The following PLSCR2 variants were observed in gnomAD, a reference collection of about 807,000 sequenced individuals.
The protein encoded by PLSCR2 is PL scramblase 2.
A neutral mutation model predicts 25.3 loss-of-function variants in PLSCR2; 18 were observed. That is an observed-to-expected ratio of 0.71 (90% confidence interval 0.49 to 1.06). The LOEUF (loss-of-function observed/expected upper bound fraction) is 1.06. Ranked by LOEUF, PLSCR2 falls within the 50% of genes least tolerant of loss-of-function variation. The probability of loss-of-function intolerance (pLI) is 0.00; values close to 1 mark genes in which losing one functional copy is unlikely to be tolerated. For missense variants in PLSCR2, 243 were observed against 269.5 expected, an observed-to-expected ratio of 0.90 and a Z score of 0.69; for synonymous variants, 88 against 87.3, an observed-to-expected ratio of 1.01 and a Z score of -0.04.
chr3:146,431,962 TC>T (rs2039563221), downstream of PLSCR2, among the ~76,000 whole-genome samples: 1 of 152,210 alleles, frequency 6.6e-6, no homozygotes, highest in South Asian at 2.1e-4. Context: ...TACTTGATTT[TC>T]TTTTATCCCA....
chr3:146,444,400 T>A (rs989991232), intron 6 of PLSCR2, among the ~76,000 whole-genome samples: 3 of 151,866 alleles, frequency 2.0e-5, no homozygotes, highest in Non-Finnish European at 4.4e-5. Flanking sequence ...GGTCTATTTC[T>A]CCCTTTACCT....
intron 2 of PLSCR2, among the ~76,000 whole-genome samples, chr3:146,406,667 A>G (rs1447004192): frequency 6.6e-6 from 1 of 152,178 alleles, no homozygotes; most frequent in Non-Finnish European, 1.5e-5. Flanking sequence ...CTGGGGACCT[A>G]TGTTTTTAGT....
At chr3:146,488,582 A>G (rs895949482) in intron 1 of PLSCR2, among the ~76,000 whole-genome samples, 3 of 152,220 alleles carry the variant, frequency 2.0e-5, no homozygotes, top group Non-Finnish European at 4.4e-5. Flanking sequence ...AAAGCTCAAC[A>G]TCACTGATCA....
At chr3:146,492,635 A>G (rs1424356349) in intron 1 of PLSCR2, among the ~76,000 whole-genome samples, 1 of 152,138 alleles carries the variant, frequency 6.6e-6, no homozygotes, top group African/African-American at 2.4e-5. Flanking sequence ...TCTCTGGGAC[A>G]CAGCTAAAGA....
downstream of PLSCR2, among the ~76,000 whole-genome samples, chr3:146,438,912 C>T (rs2108211809): frequency 6.6e-6 from 1 of 152,254 alleles, no homozygotes; most frequent in East Asian, 1.9e-4. Context: ...GTGGCTGGTA[C>T]CGGTTGTTCC....
chr3:146,403,145 C>CACAA (rs769879841), intron 2 of PLSCR2, among the ~76,000 whole-genome samples: 102 of 150,814 alleles, frequency 6.8e-4, no homozygotes, highest in African/African-American at 2.4e-3. Flanking sequence ...ATATTGTAAA[C>CACAA]ACACACACAC....
At chr3:146,396,005 T>C in intron 2 of PLSCR2, 1 of 243,214 alleles carries the variant, frequency 4.1e-6, no homozygotes, top group Non-Finnish European at 8.3e-6. Context: ...AATTATGACC[T>C]TGATGAGTTA....
At chr3:146,446,015 C>T (rs960075624) in intron 6 of PLSCR2, among the ~76,000 whole-genome samples, 3 of 152,108 alleles carry the variant, frequency 2.0e-5, no homozygotes, top group Non-Finnish European at 4.4e-5. Flanking sequence ...TTCAATCTAT[C>T]TGTTAAAGTT....
At chr3:146,402,980 TA>T (rs1203275889) in intron 2 of PLSCR2, among the ~76,000 whole-genome samples, 2 of 152,192 alleles carry the variant, frequency 1.3e-5, no homozygotes, top group Non-Finnish European at 2.9e-5. Flanking sequence ...AATTTTTAAG[TA>T]GAAATTATGT....
chr3:146,466,393 A>G (rs1475567130), intron 1 of PLSCR2, among the ~76,000 whole-genome samples: 2 of 152,066 alleles, frequency 1.3e-5, no homozygotes, highest in African/African-American at 4.8e-5. Flanking sequence ...CTGGTGTCAA[A>G]CTCCTAGTCT....
chr3:146,447,152 A>G (rs896265919), intron 6 of PLSCR2, among the ~76,000 whole-genome samples: 9 of 152,268 alleles, frequency 5.9e-5, no homozygotes, highest in African/African-American at 1.9e-4. Flanking sequence ...GGCCTGGAAC[A>G]TGGACTCTAG....
chr3:146,471,629 C>T (rs942519183), intron 1 of PLSCR2, among the ~76,000 whole-genome samples: 46 of 150,486 alleles, frequency 3.1e-4, no homozygotes, highest in African/African-American at 1.1e-3. Context: ...TGCAGTGGCA[C>T]GATCTCAGCT....
At chr3:146,395,253 A>T (rs1366809498) in intron 3 of PLSCR2, among the ~76,000 whole-genome samples, 1 of 152,248 alleles carries the variant, frequency 6.6e-6, no homozygotes, top group Non-Finnish European at 1.5e-5. Context: ...GCAAATATTT[A>T]ATTTGTGAAT....
intron 3 of PLSCR2, among the ~76,000 whole-genome samples, chr3:146,393,648 A>G (rs2038171897): frequency 6.6e-6 from 1 of 151,686 alleles, no homozygotes; most frequent in South Asian, 2.1e-4. Flanking sequence ...TTCTCTACTA[A>G]AACTACAAAA....
At chr3:146,407,440 T>C (rs1248445898) in intron 2 of PLSCR2, among the ~76,000 whole-genome samples, 1 of 152,244 alleles carries the variant, frequency 6.6e-6, no homozygotes, top group Non-Finnish European at 1.5e-5. Flanking sequence ...GTTTTACTTC[T>C]GTAAAGTCAA....
chr3:146,411,634 G>A (rs2108041947), intron 2 of PLSCR2, among the ~76,000 whole-genome samples: 1 of 152,238 alleles, frequency 6.6e-6, no homozygotes, highest in Non-Finnish European at 1.5e-5. Flanking sequence ...TAGAGAAAAC[G>A]CCACACTTTG....
chr3:146,490,780 T>C lies in PLSCR2; in HGVS notation c.-293+5115A>G, dbSNP rs114550042. The stretch of plus-strand genomic sequence containing the variant: ...GGGTCTCTTGAAGACAGTATATGGT[T>C]GGGTCTTGCTTCTTTATTCAGCTTG... On this transcript the variant is annotated intron_variant, in intron 1 of 8. Transcript: ENST00000336685. Among the ~76,000 whole-genome samples the C allele has an allele frequency of 6.7e-3, 1,016 of 152,262 alleles. 13 individuals carry two copies. Among genetic ancestry groups the C allele is most frequent in the African/African-American group, 0.023 (970 of 41,560 alleles).
chr3:146,475,679 A>G (rs1270301600), intron 1 of PLSCR2, among the ~76,000 whole-genome samples: 1 of 152,172 alleles, frequency 6.6e-6, no homozygotes, highest in Non-Finnish European at 1.5e-5. Context: ...AAATGGATAT[A>G]GTTTTCCTTA....
At chr3:146,411,269 G>A (rs2108040177) in intron 2 of PLSCR2, among the ~76,000 whole-genome samples, 1 of 152,200 alleles carries the variant, frequency 6.6e-6, no homozygotes, top group African/African-American at 2.4e-5. Context: ...AAAACACAAA[G>A]GCACCTACCA....
Sources: allele counts gnomAD v4.1 joint callset (sites outside exome capture counted in the v4.1 genomes callset), GRCh38; gene constraint gnomAD v4.1.1; transcripts MANE v1.5; gene names NCBI Gene and HGNC (gene_info 2026-07-23, HGNC 2026-07-21).